Variants in FNIP2 observed in about 807,000 individuals in gnomAD.
FNIP2 encodes folliculin-interacting protein 2.
Under a neutral mutation model 108.7 loss-of-function variants are expected in FNIP2, and 32 were observed. The ratio of observed to expected loss-of-function variants is 0.29; its 90% CI spans 0.22 to 0.40. The LOEUF is 0.40. FNIP2 is among the 10% of genes least tolerant of loss of function. The pLI, the probability that FNIP2 is intolerant of heterozygous loss-of-function variation, is 1.00. For synonymous variants in FNIP2, 480 were observed against 496.7 expected (o/e 0.97, Z 0.45); for missense variants, 1,202 against 1,381.6 (o/e 0.87, Z 2.06).
At chr4:158,845,120 A>G (rs1391543160) in intron 7 of FNIP2, among the ~76,000 whole-genome samples, 1 of 152,272 alleles carries the variant, frequency 6.6e-6, no homozygotes, top group African/African-American at 2.4e-5. Flanking sequence ...TATATGCATT[A>G]ACTTTTTTCT....
At chr4:158,897,359 T>C (rs2126789178) in intron 16 of FNIP2, among the ~76,000 whole-genome samples, 1 of 152,342 alleles carries the variant, frequency 6.6e-6, no homozygotes, top group East Asian at 1.9e-4. Context: ...ATATACCCAG[T>C]AATGGGATGG....
chr4:158,857,244 TGACA>T (rs1780036414), intron 8 of FNIP2, among the ~76,000 whole-genome samples: 2 of 152,196 alleles, frequency 1.3e-5, no homozygotes, highest in African/African-American at 2.4e-5. Flanking sequence ...AAATGTAAGA[TGACA>T]GACAAAGTGG....
chr4:158,813,343 T>C (rs1777386118), intron 1 of FNIP2, among the ~76,000 whole-genome samples: 1 of 152,204 alleles, frequency 6.6e-6, no homozygotes, highest in African/African-American at 2.4e-5. Flanking sequence ...CCCACCAGCA[T>C]TTGGCATTGT....
chr4:158,811,334 A>G (rs1241770213), intron 1 of FNIP2, among the ~76,000 whole-genome samples: 1 of 152,160 alleles, frequency 6.6e-6, no homozygotes, highest in Admixed American at 6.5e-5. Context: ...CACCCTGTCC[A>G]AAGGCAGAAA....
intron 1 of FNIP2, among the ~76,000 whole-genome samples, chr4:158,810,658 C>T (rs543707132): frequency 3.9e-5 from 6 of 152,250 alleles, no homozygotes; most frequent in African/African-American, 1.2e-4. Flanking sequence ...TTTTCATAGA[C>T]GCTAACAACT....
At position 158,783,584 on chromosome 4, in the gene FNIP2, ACT is replaced by A. The variant is rs745345946; in HGVS notation, c.107+14266_107+14267del. 5.9e-5 allele frequency among the ~76,000 whole-genome samples: 9 copies of A among 152,230 alleles called. No homozygotes were observed. The East Asian group carries it at 1.3e-3, about 23-fold the overall frequency. On this transcript the variant is annotated intron_variant, in intron 1 of 16. Transcript: ENST00000264433. ...GATCTAGACCAACTCTGCCTGAAGC[ACT>A]GAGGCAAGCAGGCTTGATCTTTTTT...
At chr4:158,860,178 T>TCCTCACAC (rs1263774718) in intron 10 of FNIP2, among the ~76,000 whole-genome samples, 1 of 152,164 alleles carries the variant, frequency 6.6e-6, no homozygotes, top group Admixed American at 6.5e-5. Flanking sequence ...TTGTGTTGGG[T>TCCTCACAC]AGCAGGTGGG....
In FNIP2 at chr4:158,861,710, C is replaced by T. The variant is rs1218148462; in HGVS notation, c.1399C>T (p.Arg467Cys). ...TCCCATCAAAGCCTTCTCAGAGAAA[C>T]GTACCTCCCAGTCAGTGAACATGCT... is the stretch of plus-strand genomic sequence containing the variant. ...HPPIKAFSEKRTSQSVNMLAK... is the reference protein window; with the variant it reads ...HPPIKAFSEKCTSQSVNMLAK... The change falls in exon 12 of 17, where the codon CGT becomes TGT. Residue 467 changes from arginine to cysteine, a missense_variant. This residue lies in a region of FNIP2 where 878 missense variants were observed against 990.3 expected (regional missense o/e 0.89). Coordinates refer to ENST00000264433, the MANE Select transcript of FNIP2 (RefSeq NM_020840.3). 4.3e-6 allele frequency: 7 copies of T among 1,614,036 alleles called. No homozygotes were observed. The highest frequency in any genetic ancestry group is 2.2e-5 in the East Asian group (1 of 44,892).
At chr4:158,794,983 A>G (rs182345945) in intron 1 of FNIP2, among the ~76,000 whole-genome samples, 2 of 152,350 alleles carry the variant, frequency 1.3e-5, no homozygotes, top group Admixed American at 6.5e-5. Context: ...AGAGAAGTTT[A>G]TTCATTTTCC....
chr4:158,903,004 C>T (rs1282646620), intron 16 of FNIP2, among the ~76,000 whole-genome samples: 3 of 152,154 alleles, frequency 2.0e-5, no homozygotes, highest in East Asian at 1.9e-4. Context: ...CGTTCTGTCT[C>T]GCTAGCATTC....
chr4:158,852,792 G>C (rs1167723075), intron 8 of FNIP2, among the ~76,000 whole-genome samples: 1 of 152,198 alleles, frequency 6.6e-6, no homozygotes, highest in Non-Finnish European at 1.5e-5. Context: ...GAAGAGATAG[G>C]TCTTGGAAAC....
intron 1 of FNIP2, among the ~76,000 whole-genome samples, chr4:158,823,502 C>T (rs1438284931): frequency 6.6e-6 from 1 of 152,164 alleles, no homozygotes; most frequent in Non-Finnish European, 1.5e-5. Flanking sequence ...TCTTGAACTC[C>T]TGACCTCAAG....
intron 1 of FNIP2, among the ~76,000 whole-genome samples, chr4:158,805,062 C>T (rs1239426167): frequency 6.6e-6 from 1 of 152,168 alleles, no homozygotes; most frequent in Non-Finnish European, 1.5e-5. Context: ...ATTAGTTTTT[C>T]TCACACTCAT....
intron 7 of FNIP2, among the ~76,000 whole-genome samples, chr4:158,844,519 A>G (rs944757301): frequency 6.6e-6 from 1 of 152,200 alleles, no homozygotes; most frequent in African/African-American, 2.4e-5. Context: ...CCTTTGTGCT[A>G]GTTATTTAGA....
chr4:158,830,229 G>A (rs1205390869), intron 3 of FNIP2, among the ~76,000 whole-genome samples: 1 of 151,710 alleles, frequency 6.6e-6, no homozygotes, highest in Admixed American at 6.6e-5. Flanking sequence ...AGCTGAGCAG[G>A]GCTGATAGAT....
chr4:158,858,585 G>C (rs1780115876), intron 8 of FNIP2, among the ~76,000 whole-genome samples: 1 of 152,146 alleles, frequency 6.6e-6, no homozygotes, highest in Non-Finnish European at 1.5e-5. Context: ...ATTTAGAAGA[G>C]TTACTTGATC....
chr4:158,868,674 C>T lies in FNIP2; in HGVS notation c.2038C>T (p.Gln680Ter). The T allele has an allele frequency of 6.2e-7, 1 of 1,614,038 alleles. No individual in the cohort carries two copies. Among genetic ancestry groups the T allele is most frequent in the Non-Finnish European group, 8.5e-7 (1 of 1,179,900 alleles). Reference sequence around the variant, plus strand: ...GGGGGCAGGAATGAAGATGGACCAGCAAGCTGTCTGTGAGCTGTTGAAAGT... The same window carrying T: ...GGGGGCAGGAATGAAGATGGACCAGTAAGCTGTCTGTGAGCTGTTGAAAGT... ...VLGAGMKMDQQAVCELLKVEM... is the reference protein window; with the variant it reads ...VLGAGMKMDQ The change falls in exon 13 of 17, where the codon CAA becomes TAA. Residue 680 changes from glutamine (Q) to a stop codon, truncating the protein, a stop_gained. Transcript: ENST00000264433. LOFTEE classifies it high-confidence loss of function. This position sits in a 1 kb window ranked among gnomAD's most constrained non-coding sequence, Gnocchi z 4.6.
intron 8 of FNIP2, among the ~76,000 whole-genome samples, chr4:158,852,239 C>T (rs1435863750): frequency 6.6e-6 from 1 of 152,062 alleles, no homozygotes; most frequent in Non-Finnish European, 1.5e-5. Context: ...CAGTGATGGT[C>T]ATGGGGGGAA....
At chr4:158,903,682 G>A (rs2126810331) in intron 16 of FNIP2, among the ~76,000 whole-genome samples, 1 of 152,222 alleles carries the variant, frequency 6.6e-6, no homozygotes, top group South Asian at 2.1e-4. Flanking sequence ...AATCAGATCT[G>A]TATGTAGCAT....
Sources: gnomAD v4.1 joint callset for allele counts (sites outside exome capture counted in the v4.1 genomes callset) on GRCh38, gnomAD v4.1.1 for gene constraint, gnomAD v4.1.1 regional missense constraint, Gnocchi (gnomAD v3.1) non-coding constraint, MANE v1.5 for transcripts, NCBI Gene and HGNC (gene_info 2026-07-23, HGNC 2026-07-21) for gene names.